The following SRD5A2 variants were observed in gnomAD, a reference collection of about 807,000 sequenced individuals.
SRD5A2 encodes steroid 5 alpha-reductase 2, also known as 3-oxo-5-alpha-steroid 4-dehydrogenase 2.
A neutral mutation model predicts 27.4 loss-of-function variants in SRD5A2; 30 were observed. The ratio of observed to expected loss-of-function variants is 1.10; its 90% CI spans 0.82 to 1.49. SRD5A2 has a LOEUF of 1.49. Among genes scored for constraint, SRD5A2 ranks in the 40% most tolerant of loss-of-function variants. SRD5A2 has a pLI of 0.00. For synonymous variants in SRD5A2, 141 were observed against 133.6 expected, an observed-to-expected ratio of 1.06 and a Z score of -0.38; for missense variants, 348 against 323.4, an observed-to-expected ratio of 1.08 and a Z score of -0.58.
At chr2:31,638,794 C>A in the SRD5A2 span, among the ~76,000 whole-genome samples, 1 of 151,142 alleles carries the variant, frequency 6.6e-6, no homozygotes, top group African/African-American at 2.4e-5. Flanking sequence ...TACTTTCAGC[C>A]TATGTGTGTC....
chr2:31,607,837 A>C, the SRD5A2 span, among the ~76,000 whole-genome samples: 2 of 151,986 alleles, frequency 1.3e-5, no homozygotes, highest in African/African-American at 2.4e-5. Flanking sequence ...ACCCCACCCC[A>C]GTGTGATAGT....
chr2:31,617,241 G>A, the SRD5A2 span, among the ~76,000 whole-genome samples: 1 of 151,892 alleles, frequency 6.6e-6, no homozygotes, highest in Non-Finnish European at 1.5e-5. Context: ...TGTAACATCT[G>A]AAAGCCTGAG....
the SRD5A2 span, among the ~76,000 whole-genome samples, chr2:31,586,209 C>T: frequency 6.6e-6 from 1 of 152,058 alleles, no homozygotes; most frequent in Non-Finnish European, 1.5e-5. Context: ...TCACACTTTC[C>T]CCCGAGTCCC....
chr2:31,593,268 A>T, the SRD5A2 span, among the ~76,000 whole-genome samples: 2 of 152,080 alleles, frequency 1.3e-5, no homozygotes, highest in Admixed American at 6.5e-5. Context: ...AATAATAATA[A>T]AAAAAAGAAA....
intron 1 of SRD5A2, among the ~76,000 whole-genome samples, chr2:31,567,881 C>T (rs953208715): frequency 1.3e-5 from 2 of 151,992 alleles, no homozygotes; most frequent in Non-Finnish European, 2.9e-5. Context: ...GCACTTGGCT[C>T]ATGCTACAGG....
At chr2:31,528,147 G>T (rs527327535) in intron 4 of SRD5A2, among the ~76,000 whole-genome samples, 132 of 152,284 alleles carry the variant, frequency 8.7e-4, no homozygotes, top group African/African-American at 3.1e-3. Context: ...TCAGAGGGAG[G>T]GTTCTGAAAC....
upstream of SRD5A2, among the ~76,000 whole-genome samples, chr2:31,583,643 AAAAAAAACCAAAAAAAAAGC>A (rs1453818560): frequency 4.1e-4 from 12 of 29,184 alleles, no homozygotes; most frequent in African/African-American, 6.0e-4. Context: ...AAAAAAGCAA[AAAAAAAACCAAAAAAAAAGC>A]AAAAAAAAAA....
the SRD5A2 span, among the ~76,000 whole-genome samples, chr2:31,604,232 G>A: frequency 1.3e-5 from 2 of 151,672 alleles, no homozygotes; most frequent in African/African-American, 2.4e-5. Flanking sequence ...TGACTAGGGT[G>A]CCCACTTTCA....
the SRD5A2 span, among the ~76,000 whole-genome samples, chr2:31,653,077 C>T: frequency 6.6e-6 from 1 of 152,152 alleles, no homozygotes; most frequent in Non-Finnish European, 1.5e-5. Context: ...TTCCAATTTG[C>T]ATTTTTCCCA....
chr2:31,571,500 G>A (rs971510313), intron 1 of SRD5A2, among the ~76,000 whole-genome samples: 4 of 151,918 alleles, frequency 2.6e-5, no homozygotes, highest in Admixed American at 6.6e-5. Context: ...CAATTGCAAC[G>A]TAACCAAAAA....
At position 31,531,278 on chromosome 2, in the gene SRD5A2, C is replaced by T. The variant is rs555024602; in HGVS notation, c.547+93G>A. 7 of 859,136 alleles carry T rather than the reference C, an allele frequency of 8.1e-6. 1 individual carries two copies. Among genetic ancestry groups the T allele is most frequent in the South Asian group, 1.6e-5 (1 of 62,698 alleles). 53.2% of individuals were successfully genotyped at this position (859,136 alleles called of 1,614,324 possible). On this transcript the variant is annotated intron_variant, in intron 3 of 4. Transcript: ENST00000622030. ...GCTGAGAGGTATTGTATCATTCGTG[C>T]CCTCACTGTCCCCTCTCCATCTGCT...
the SRD5A2 span, among the ~76,000 whole-genome samples, chr2:31,647,782 T>C: frequency 2.0e-5 from 3 of 152,216 alleles, no homozygotes; most frequent in South Asian, 6.2e-4. Context: ...ATCTTGAACA[T>C]TTGCTTTTTA....
chr2:31,576,085 G>C (rs1261365426), intron 1 of SRD5A2, among the ~76,000 whole-genome samples: 2 of 149,776 alleles, frequency 1.3e-5, no homozygotes, highest in African/African-American at 4.9e-5. Context: ...CATAGGCGTG[G>C]GCAAGGACTT....
the SRD5A2 span, among the ~76,000 whole-genome samples, chr2:31,655,544 C>CA: frequency 5.3e-5 from 8 of 152,196 alleles, no homozygotes; most frequent in East Asian, 1.5e-3. Flanking sequence ...GAAAGAATGA[C>CA]AAATCTCACC....
At chr2:31,560,345 C>T (rs1666597143) in intron 1 of SRD5A2, among the ~76,000 whole-genome samples, 1 of 151,756 alleles carries the variant, frequency 6.6e-6, no homozygotes, top group Non-Finnish European at 1.5e-5. Context: ...ACCAAGATGT[C>T]TAAGGGTGTC....
the SRD5A2 span, among the ~76,000 whole-genome samples, chr2:31,645,348 C>G: frequency 2.0e-5 from 3 of 152,078 alleles, no homozygotes; most frequent in Admixed American, 6.5e-5. Context: ...GATGGATAAC[C>G]CATTCTCCAT....
intron 2 of SRD5A2, among the ~76,000 whole-genome samples, chr2:31,531,760 A>G (rs1036091862): frequency 1.3e-5 from 2 of 152,226 alleles, no homozygotes. Flanking sequence ...CAGTATTTAA[A>G]TAGATAAACA....
chr2:31,614,251 A>C, the SRD5A2 span, among the ~76,000 whole-genome samples: 1 of 152,236 alleles, frequency 6.6e-6, no homozygotes, highest in African/African-American at 2.4e-5. Flanking sequence ...GCATTGGATA[A>C]ATACACTCAT....
In SRD5A2 at chr2:31,524,354, T is replaced by G. The variant is rs1665727272; in HGVS notation, c.*1842A>C. On this transcript the variant is annotated 3_prime_UTR_variant, in exon 5 of 5. Coordinates refer to ENST00000622030, the MANE Select transcript of SRD5A2 (RefSeq NM_000348.4). ...TCATGACGTTTTCCTGCACCTTTAT[T>G]GTACTTCCTTGTAGTTCTGAATTGT... 2 of 227,438 alleles carry G rather than the reference T, an allele frequency of 8.8e-6. No individual in the cohort carries two copies. Among genetic ancestry groups the G allele is most frequent in the Non-Finnish European group, 1.7e-5 (2 of 114,458 alleles). 14.1% of individuals were successfully genotyped at this position (227,438 alleles called of 1,614,324 possible).
Sources: allele counts gnomAD v4.1 joint callset (sites outside exome capture counted in the v4.1 genomes callset), GRCh38; gene constraint gnomAD v4.1.1; transcripts MANE v1.5; gene names NCBI Gene and HGNC (gene_info 2026-07-23, HGNC 2026-07-21).